Variants in ITGA9 observed in about 807,000 individuals in gnomAD.
ITGA9 encodes integrin alpha-9.
ITGA9 carries 56 observed loss-of-function variants against 127.8 expected under a neutral mutation model. The ratio of observed to expected loss-of-function variants is 0.44; its 90% confidence interval spans 0.35 to 0.55. The LOEUF (loss-of-function observed/expected upper bound fraction) is 0.55. Among genes scored for constraint, ITGA9 ranks in the 20% least tolerant of loss-of-function variants. The probability of loss-of-function intolerance (pLI) is 0.00; values close to 1 mark genes in which losing one functional copy is unlikely to be tolerated. For synonymous variants in ITGA9, 508 were observed against 514.5 expected, an observed-to-expected ratio of 0.99 and a Z score of 0.17; for missense variants, 1,196 against 1,347.1, an observed-to-expected ratio of 0.89 and a Z score of 1.76.
chr3:37,475,741 A>G (rs547575214), intron 3 of ITGA9, among the ~76,000 whole-genome samples: 2 of 152,380 alleles, frequency 1.3e-5, no homozygotes, highest in African/African-American at 4.8e-5. Flanking sequence ...AACACATGAC[A>G]TAAAACTTAC....
intron 20 of ITGA9, among the ~76,000 whole-genome samples, chr3:37,741,460 C>G (rs1263155386): frequency 1.3e-5 from 2 of 152,206 alleles, no homozygotes; most frequent in South Asian, 2.1e-4. Context: ...TTCCTTTGCT[C>G]TCTCCCTTCT....
intron 1 of ITGA9, among the ~76,000 whole-genome samples, chr3:37,453,434 G>T (rs1044689165): frequency 2.6e-5 from 4 of 152,158 alleles, no homozygotes; most frequent in African/African-American, 9.7e-5. Flanking sequence ...CAGAGCTTGT[G>T]CCCAACCCCA....
At chr3:37,544,107 A>G (rs913333694) in intron 15 of ITGA9, among the ~76,000 whole-genome samples, 1 of 152,204 alleles carries the variant, frequency 6.6e-6, no homozygotes, top group African/African-American at 2.4e-5. Context: ...TCTTCTTGCT[A>G]GGTCTGTTCA....
chr3:37,505,097 A>G (rs373051996), intron 6 of ITGA9, among the ~76,000 whole-genome samples: 1 of 151,608 alleles, frequency 6.6e-6, no homozygotes, highest in Non-Finnish European at 1.5e-5. Context: ...CCAACCATGC[A>G]TCTACCCACC....
chr3:37,691,690 G>C (rs1162583100), intron 18 of ITGA9, among the ~76,000 whole-genome samples: 1 of 152,116 alleles, frequency 6.6e-6, no homozygotes, highest in African/African-American at 2.4e-5. Flanking sequence ...CTGCATTTCT[G>C]GTAGAACTAG....
intron 1 of ITGA9, among the ~76,000 whole-genome samples, chr3:37,466,727 C>T (rs905155506): frequency 6.6e-6 from 1 of 152,150 alleles, no homozygotes; most frequent in African/African-American, 2.4e-5. Flanking sequence ...TTCTGCATTT[C>T]CGACAAGTGC....
intron 27 of ITGA9, chr3:37,808,448 A>T (rs1697325719): frequency 6.6e-6 from 1 of 152,188 alleles, no homozygotes; most frequent in Non-Finnish European, 1.5e-5. Flanking sequence ...ACTCTCAGAA[A>T]AGAAAACAAT....
chr3:37,708,292 T>A (rs1226777194), intron 18 of ITGA9, among the ~76,000 whole-genome samples: 2 of 152,184 alleles, frequency 1.3e-5, no homozygotes, highest in Non-Finnish European at 2.9e-5. Flanking sequence ...GTTCCAAGGC[T>A]TTTTGAAATC....
intron 18 of ITGA9, among the ~76,000 whole-genome samples, chr3:37,723,780 G>T (rs1342217770): frequency 1.3e-5 from 2 of 152,244 alleles, no homozygotes; most frequent in African/African-American, 4.8e-5. Flanking sequence ...AACAGGGCGT[G>T]ATATAGGGCA....
chr3:37,760,949 C>T (rs1023623797), intron 23 of ITGA9, among the ~76,000 whole-genome samples: 8 of 151,836 alleles, frequency 5.3e-5, no homozygotes, highest in African/African-American at 1.7e-4. Context: ...CAGAAAAGAC[C>T]AAAAATTATA....
chr3:37,491,709 G>A (rs777024016), intron 4 of ITGA9, among the ~76,000 whole-genome samples: 38 of 152,186 alleles, frequency 2.5e-4, no homozygotes, highest in Non-Finnish European at 3.4e-4. Context: ...AGGCTGTCCT[G>A]CCATCTCAGG....
chr3:37,734,869 T>C (rs542796925), intron 19 of ITGA9, among the ~76,000 whole-genome samples: 2 of 152,338 alleles, frequency 1.3e-5, no homozygotes, highest in Admixed American at 1.3e-4. Flanking sequence ...TGCTACCACT[T>C]TCCTCCCACA....
intron 15 of ITGA9, among the ~76,000 whole-genome samples, chr3:37,620,875 T>G (rs1273937393): frequency 1.3e-5 from 2 of 152,072 alleles, no homozygotes; most frequent in Non-Finnish European, 2.9e-5. Context: ...TGCACCACAG[T>G]TTTTTGCTCA....
At chr3:37,643,620 C>G (rs1028485520) in intron 16 of ITGA9, among the ~76,000 whole-genome samples, 1 of 152,146 alleles carries the variant, frequency 6.6e-6, no homozygotes, top group South Asian at 2.1e-4. Flanking sequence ...ATTATCCTGT[C>G]CTATTGAAAA....
intron 15 of ITGA9, among the ~76,000 whole-genome samples, chr3:37,600,175 T>C (rs1395827924): frequency 3.3e-5 from 5 of 152,198 alleles, no homozygotes. Context: ...TTTTAGAAAT[T>C]ACTTAGTCAA....
In ITGA9 at chr3:37,476,202, C is replaced by A. The variant is rs79203953; in HGVS notation, c.420+2742C>A. The stretch of plus-strand genomic sequence containing the variant: ...TGTTTTCAGTTCTTTGGGGTATACA[C>A]CCGGAAGTGGGATTACTGGATCAAA... On this transcript the variant is annotated intron_variant, in intron 3 of 27. Coordinates refer to ENST00000264741, the MANE Select transcript of ITGA9 (RefSeq NM_002207.3). Among the ~76,000 whole-genome samples, 1,373 of 152,254 alleles carry A rather than the reference C, an allele frequency of 9.0e-3. 20 individuals carry two copies. Among genetic ancestry groups the A allele is most frequent in the African/African-American group, 0.031 (1,286 of 41,548 alleles).
At chr3:37,615,284 G>A (rs1355494291) in intron 15 of ITGA9, among the ~76,000 whole-genome samples, 1 of 152,200 alleles carries the variant, frequency 6.6e-6, no homozygotes, top group Non-Finnish European at 1.5e-5. Flanking sequence ...ATTTGCGTAT[G>A]TTGAACCAGC....
rs1476424068 is a variant in ITGA9 at position 37,660,646 on chromosome 3, C to A, written c.1916+6856C>A. The stretch of plus-strand genomic sequence containing the variant: ...TAGTGTGGTGGCCAGGACCCAGTCC[C>A]CCCATATGTATCAGCTACCAATTGC... On this transcript the variant is annotated intron_variant, in intron 17 of 27. Transcript: ENST00000264741. Among the ~76,000 whole-genome samples, 4 of 152,036 alleles carry A rather than the reference C, an allele frequency of 2.6e-5. No homozygotes were observed. In the East Asian group the frequency reaches 7.7e-4, roughly 29 times the overall value.
intron 17 of ITGA9, among the ~76,000 whole-genome samples, chr3:37,681,698 A>G (rs755764406): frequency 1.3e-5 from 2 of 152,148 alleles, no homozygotes; most frequent in Non-Finnish European, 2.9e-5. Flanking sequence ...ATTTTGTTCA[A>G]AGGTCGCATC....
Sources: allele counts gnomAD v4.1 joint callset (sites outside exome capture counted in the v4.1 genomes callset), GRCh38; gene constraint gnomAD v4.1.1; transcripts MANE v1.5; gene names NCBI Gene and HGNC (gene_info 2026-07-23, HGNC 2026-07-21).